LRMDA: variants seen among roughly 807,000 people sequenced by gnomAD.
The protein encoded by LRMDA is leucine-rich melanocyte differentiation-associated protein.
In LRMDA, 18 loss-of-function variants were observed where a neutral mutation model predicts 29.8. That is an observed-to-expected ratio of 0.60 (90% CI 0.42 to 0.90). The LOEUF is 0.90. Ranked by LOEUF, LRMDA falls within the 40% of genes least tolerant of loss-of-function variation. The pLI is 0.00. For synonymous variants in LRMDA, 125 were observed against 109.4 expected (o/e 1.14, Z -0.89); for missense variants, 273 against 273.9 (o/e 1.00, Z 0.02).
At chr10:75,882,012 C>T (rs1845303131) in intron 2 of LRMDA, among the ~76,000 whole-genome samples, 1 of 152,070 alleles carries the variant, frequency 6.6e-6, no homozygotes, top group Non-Finnish European at 1.5e-5. Flanking sequence ...TGTTGGCTCA[C>T]CTGGGAGCTG....
intron 2 of LRMDA, among the ~76,000 whole-genome samples, chr10:75,761,874 C>T (rs891378912): frequency 2.7e-5 from 4 of 148,302 alleles, no homozygotes; most frequent in Non-Finnish European, 4.4e-5. Flanking sequence ...TATCTTGGCT[C>T]ACTGCCACCT....
intron 3 of LRMDA, 122 bp downstream of exon 3, chr10:76,036,256 T>C: frequency 9.8e-7 from 1 of 1,020,074 alleles, no homozygotes; most frequent in Non-Finnish European, 1.4e-6. Flanking sequence ...TAAATTAAAG[T>C]ATGTGAAATA....
At chr10:76,141,049 T>C (rs1258733931) in intron 5 of LRMDA, among the ~76,000 whole-genome samples, 1 of 152,052 alleles carries the variant, frequency 6.6e-6, no homozygotes, top group African/African-American at 2.4e-5. Flanking sequence ...ATCTGGTCCT[T>C]CTTTGAGTCT....
intron 2 of LRMDA, among the ~76,000 whole-genome samples, chr10:75,630,756 A>C (rs2915026): frequency 0.67 from 101,379 of 152,148 alleles, 34,542 homozygotes; most frequent in East Asian, 0.79. Flanking sequence ...TCTTCTCTTC[A>C]TTTCTCTTAA....
intron 6 of LRMDA, among the ~76,000 whole-genome samples, chr10:76,474,001 A>T (rs1346917329): frequency 1.3e-5 from 2 of 151,706 alleles, no homozygotes; most frequent in Admixed American, 6.6e-5. Context: ...TGGTACTGGC[A>T]TTGGAATACA....
rs1209391745 is a variant in LRMDA, at chr10:75,703,227, G to A, written c.131+264733G>A. ...TTAAACAGTTCTGTAAACTCTCAAC[G>A]AGTAATGGATTTCAACACGCTTTTC... On this transcript the variant is annotated intron_variant, in intron 2 of 6. Coordinates refer to ENST00000611255, the MANE Select transcript of LRMDA (RefSeq NM_001305581.2). Among the ~76,000 whole-genome samples the A allele has an allele frequency of 3.9e-5, 6 of 152,058 alleles. No individual in the cohort carries two copies. In the South Asian group the frequency reaches 8.3e-4, roughly 21 times the overall value.
chr10:75,840,188 A>G lies in LRMDA; in HGVS notation c.132-195820A>G, dbSNP rs1328664968. On this transcript the variant is annotated intron_variant, in intron 2 of 6. Transcript: ENST00000611255. ...TTTGCTAGCATAGATCTTGGCCTAC[A>G]TACCCTTACAGGCCTTCCTTCACTT... Among the ~76,000 whole-genome samples the G allele has an allele frequency of 5.3e-5, 8 of 152,164 alleles. No homozygotes were observed. The East Asian group carries it at 1.5e-3, about 29-fold the overall frequency.
At chr10:76,507,485 C>T (rs1401921494) in intron 6 of LRMDA, among the ~76,000 whole-genome samples, 2 of 151,810 alleles carry the variant, frequency 1.3e-5, no homozygotes, top group Non-Finnish European at 2.9e-5. Context: ...GTCTTCTTAT[C>T]CTTATCTTAG....
At chr10:76,166,197 GCTGT>G in intron 5 of LRMDA, among the ~76,000 whole-genome samples, 1 of 152,270 alleles carries the variant, frequency 6.6e-6, no homozygotes, top group South Asian at 2.1e-4. Flanking sequence ...CAGGCATGAG[GCTGT>G]CTGTTAGGTT....
intron 3 of LRMDA, among the ~76,000 whole-genome samples, chr10:76,044,078 G>A (rs1848386886): frequency 6.6e-6 from 1 of 152,208 alleles, no homozygotes; most frequent in African/African-American, 2.4e-5. Context: ...TACTGTGCTG[G>A]CCAGAAGCAG....
intron 6 of LRMDA, among the ~76,000 whole-genome samples, chr10:76,471,108 C>A (rs191875093): frequency 1.8e-3 from 270 of 151,436 alleles, no homozygotes; most frequent in African/African-American, 6.1e-3. Context: ...CAGATGGTAA[C>A]CCAAATCTAT....
intron 5 of LRMDA, among the ~76,000 whole-genome samples, chr10:76,153,427 C>G (rs779536190): frequency 6.6e-6 from 1 of 152,102 alleles, no homozygotes; most frequent in South Asian, 2.1e-4. Flanking sequence ...CCTGTGTGCT[C>G]CTCTAAGAAT....
At chr10:76,288,757 A>G (rs1271047192) in intron 5 of LRMDA, among the ~76,000 whole-genome samples, 1 of 152,168 alleles carries the variant, frequency 6.6e-6, no homozygotes, top group African/African-American at 2.4e-5. Context: ...GTTAGTTACT[A>G]CAATATAAGG....
At chr10:75,902,700 G>C (rs115632428) in intron 2 of LRMDA, among the ~76,000 whole-genome samples, 1,699 of 152,216 alleles carry the variant, frequency 0.011, 22 homozygotes, top group African/African-American at 0.039. Flanking sequence ...ATAGAGATCT[G>C]TTCAAAGTTC....
intron 6 of LRMDA, among the ~76,000 whole-genome samples, chr10:76,533,226 T>G (rs1843254498): frequency 6.6e-6 from 1 of 152,190 alleles, no homozygotes; most frequent in Non-Finnish European, 1.5e-5. Context: ...AGGATATTAT[T>G]GAATCTGTCC....
chr10:75,934,110 T>C (rs939311554), intron 2 of LRMDA, among the ~76,000 whole-genome samples: 2 of 152,154 alleles, frequency 1.3e-5, no homozygotes, highest in African/African-American at 4.8e-5. Flanking sequence ...GTCTGCAAAA[T>C]GTGCATGGGT....
chr10:76,065,905 G>A (rs578210346), intron 5 of LRMDA, among the ~76,000 whole-genome samples: 4 of 152,292 alleles, frequency 2.6e-5, no homozygotes, highest in South Asian at 2.1e-4. Context: ...CTCACTGCTC[G>A]CACACGTCTG....
intron 2 of LRMDA, among the ~76,000 whole-genome samples, chr10:75,540,541 T>A (rs1199485809): frequency 6.6e-6 from 1 of 152,196 alleles, no homozygotes; most frequent in Non-Finnish European, 1.5e-5. Flanking sequence ...CTGGTTTCTG[T>A]AGAAAGATCT....
intron 5 of LRMDA, among the ~76,000 whole-genome samples, chr10:76,116,702 G>A (rs2132119668): frequency 6.6e-6 from 1 of 152,260 alleles, no homozygotes; most frequent in African/African-American, 2.4e-5. Flanking sequence ...TGTCAACTTT[G>A]AGAGGAGACT....
Sources: gnomAD v4.1 joint callset for allele counts (sites outside exome capture counted in the v4.1 genomes callset) on GRCh38, gnomAD v4.1.1 for gene constraint, MANE v1.5 for transcripts, NCBI Gene and HGNC (gene_info 2026-07-23, HGNC 2026-07-21) for gene names.